GRXCR1: variants seen among roughly 807,000 people sequenced by gnomAD.
GRXCR1 encodes the protein glutaredoxin domain-containing cysteine-rich protein 1.
In GRXCR1, 27 loss-of-function variants were observed where a neutral mutation model predicts 27.3. The ratio of observed to expected loss-of-function variants is 0.99; its 90% CI spans 0.73 to 1.37. The LOEUF is 1.37. GRXCR1 is among the 40% of genes most tolerant of loss of function. The pLI is 0.00. For missense variants in GRXCR1, 379 were observed against 354.4 expected (o/e 1.07, Z -0.56); for synonymous variants, 122 against 131.1 (o/e 0.93, Z 0.47).
intron 2 of GRXCR1, among the ~76,000 whole-genome samples, chr4:43,005,533 A>G (rs552961617): frequency 6.6e-6 from 1 of 152,320 alleles, no homozygotes; most frequent in Admixed American, 6.5e-5. Context: ...GTAATGCTGT[A>G]TCATCCAACT....
At chr4:42,993,417 G>C (rs1448169630) in intron 2 of GRXCR1, among the ~76,000 whole-genome samples, 1 of 151,822 alleles carries the variant, frequency 6.6e-6, no homozygotes, top group African/African-American at 2.4e-5. Context: ...ATATGTTCTA[G>C]TTTTTAATTG....
intron 2 of GRXCR1, among the ~76,000 whole-genome samples, chr4:43,016,535 C>A (rs1219247322): frequency 6.6e-6 from 1 of 152,062 alleles, no homozygotes; most frequent in Non-Finnish European, 1.5e-5. Context: ...CTATTTTCAA[C>A]AATTATAAAT....
intron 2 of GRXCR1, among the ~76,000 whole-genome samples, chr4:43,000,935 C>CT (rs1172078146): frequency 4.0e-5 from 6 of 151,776 alleles, no homozygotes; most frequent in Non-Finnish European, 5.9e-5. Context: ...TCTTTTTTCA[C>CT]TTTTTTCTTG....
intron 1 of GRXCR1, among the ~76,000 whole-genome samples, chr4:42,936,510 C>G (rs1272669053): frequency 2.0e-5 from 3 of 151,806 alleles, no homozygotes; most frequent in Non-Finnish European, 2.9e-5. Flanking sequence ...ATGACCAACA[C>G]CCAACGTTTC....
chr4:42,989,591 A>C (rs979870414), intron 2 of GRXCR1, among the ~76,000 whole-genome samples: 4 of 152,214 alleles, frequency 2.6e-5, no homozygotes, highest in African/African-American at 9.7e-5. Context: ...CCTGTATCTT[A>C]TCCTGCAATA....
In GRXCR1 at chr4:42,895,376, T is replaced by C. The variant is rs145542242; in HGVS notation, c.384+1726T>C. Among the ~76,000 whole-genome samples, 50 of 152,284 alleles carry C rather than the reference T, an allele frequency of 3.3e-4. No individual in the cohort carries two copies. The East Asian group carries it at 7.3e-3, about 22-fold the overall frequency. ...ATTAGCAGAGGTCCTTCAAGGTCTC[T>C]GGTACTTAATCAGATCTATCCCTCC... On this transcript the variant is annotated intron_variant, in intron 1 of 3. Coordinates refer to ENST00000399770, the MANE Select transcript of GRXCR1 (RefSeq NM_001080476.3).
intron 2 of GRXCR1, among the ~76,000 whole-genome samples, chr4:43,012,475 A>G (rs1259389231): frequency 6.6e-6 from 1 of 152,116 alleles, no homozygotes; most frequent in East Asian, 1.9e-4. Context: ...AAACTCCATT[A>G]ATCTTTCATT....
intron 1 of GRXCR1, among the ~76,000 whole-genome samples, chr4:42,914,640 T>C (rs1194496145): frequency 3.3e-5 from 5 of 152,144 alleles, no homozygotes; most frequent in Non-Finnish European, 7.4e-5. Context: ...AAGGGCAGGA[T>C]TGTGTTTTTA....
rs933813621 is a variant in GRXCR1 at position 42,893,527 on chromosome 4, C to A, written c.261C>A (p.Ala87=). Residue 87 remains alanine, a synonymous_variant, in exon 1 of 4, where the codon GCC becomes GCA. Transcript: ENST00000399770. The stretch of plus-strand genomic sequence containing the variant: ...GCTTGCTGGTGTTAGCAAGGGCTGC[C>A]AGTGAGAAGGGTTTTGGTACAAGAA... ...QDSLLVLARA[A]SEKGFGTRRV... 1.2e-6 allele frequency: 2 copies of A among 1,613,682 alleles called. No individual in the cohort carries two copies. Among genetic ancestry groups the A allele is most frequent in the Non-Finnish European group, 8.5e-7 (1 of 1,179,834 alleles).
intron 1 of GRXCR1, among the ~76,000 whole-genome samples, chr4:42,941,200 C>T (rs1218860002): frequency 6.6e-6 from 1 of 151,856 alleles, no homozygotes; most frequent in African/African-American, 2.4e-5. Context: ...AAGTGAGGTC[C>T]CTAGATAAGA....
At chr4:42,970,181 C>T (rs1299674812) in intron 2 of GRXCR1, among the ~76,000 whole-genome samples, 1 of 152,096 alleles carries the variant, frequency 6.6e-6, no homozygotes, top group African/African-American at 2.4e-5. Context: ...GAGTACAGTC[C>T]CAGAAGCTGC....
At chr4:42,915,642 C>T (rs574102473) in intron 1 of GRXCR1, among the ~76,000 whole-genome samples, 3 of 152,084 alleles carry the variant, frequency 2.0e-5, no homozygotes, top group East Asian at 1.9e-4. Flanking sequence ...TATCTTGACA[C>T]GTCTCATATA....
At chr4:42,907,095 A>G (rs1188702714) in intron 1 of GRXCR1, among the ~76,000 whole-genome samples, 2 of 152,164 alleles carry the variant, frequency 1.3e-5, no homozygotes, top group Admixed American at 1.3e-4. Context: ...AAGCGAAACA[A>G]GGTAGTCATC....
At chr4:42,933,413 C>T (rs951187889) in intron 1 of GRXCR1, among the ~76,000 whole-genome samples, 1 of 151,856 alleles carries the variant, frequency 6.6e-6, no homozygotes, top group African/African-American at 2.4e-5. Flanking sequence ...TCAGCACCCA[C>T]CCCCTCATAA....
At chr4:42,976,843 T>C (rs1033505610) in intron 2 of GRXCR1, among the ~76,000 whole-genome samples, 3 of 151,962 alleles carry the variant, frequency 2.0e-5, no homozygotes, top group African/African-American at 4.8e-5. Context: ...TCACTCAGCA[T>C]TTTTCGAGAA....
At chr4:42,991,565 A>G (rs1711976562) in intron 2 of GRXCR1, among the ~76,000 whole-genome samples, 1 of 152,068 alleles carries the variant, frequency 6.6e-6, no homozygotes, top group Non-Finnish European at 1.5e-5. Context: ...CATGTGAGGT[A>G]GTTGCAACAA....
intron 3 of GRXCR1, among the ~76,000 whole-genome samples, chr4:43,025,262 T>C (rs1054133015): frequency 1.3e-5 from 2 of 152,214 alleles, no homozygotes; most frequent in Non-Finnish European, 1.5e-5. Context: ...ATGACTGCAA[T>C]ATGGAGCAGA....
chr4:43,012,551 T>C (rs139144212), intron 2 of GRXCR1, among the ~76,000 whole-genome samples: 101 of 152,290 alleles, frequency 6.6e-4, no homozygotes, highest in African/African-American at 2.3e-3. Flanking sequence ...TCTTTGGGAA[T>C]TTATTACTAC....
intron 1 of GRXCR1, among the ~76,000 whole-genome samples, chr4:42,905,174 T>C (rs1234901921): frequency 6.6e-6 from 1 of 152,154 alleles, no homozygotes; most frequent in Non-Finnish European, 1.5e-5. Context: ...TTGCCTTGGA[T>C]TCCTTAATAT....
Sources: gnomAD v4.1 joint callset for allele counts (sites outside exome capture counted in the v4.1 genomes callset) on GRCh38, gnomAD v4.1.1 for gene constraint, MANE v1.5 for transcripts, NCBI Gene and HGNC (gene_info 2026-07-23, HGNC 2026-07-21) for gene names.